Variants in XYLT1 observed in about 807,000 individuals in gnomAD.
XYLT1 encodes the protein xylosyltransferase 1.
A neutral mutation model predicts 91.3 loss-of-function variants in XYLT1; 36 were observed. The ratio of observed to expected loss-of-function variants is 0.39; its 90% CI spans 0.30 to 0.52. XYLT1 has a LOEUF of 0.52. XYLT1 is among the 20% of genes least tolerant of loss of function. The pLI is 0.68. For synonymous variants in XYLT1, 588 were observed against 532.0 expected (o/e 1.11, Z -1.45); for missense variants, 1,242 against 1,284.5 (o/e 0.97, Z 0.51).
intron 5 of XYLT1, among the ~76,000 whole-genome samples, chr16:17,167,685 C>T (rs2031729661): frequency 1.3e-5 from 2 of 151,964 alleles, no homozygotes; most frequent in South Asian, 4.1e-4. Context: ...CCCATCCTTC[C>T]ATCTCGTGAA....
chr16:17,122,094 GACTT>G (rs2030080801), intron 10 of XYLT1, among the ~76,000 whole-genome samples: 2 of 152,090 alleles, frequency 1.3e-5, no homozygotes, highest in East Asian at 3.8e-4. Context: ...TTTGTATAAT[GACTT>G]ACTTTTCTCT....
At chr16:17,287,484 G>A (rs1347177544) in intron 2 of XYLT1, among the ~76,000 whole-genome samples, 1 of 152,132 alleles carries the variant, frequency 6.6e-6, no homozygotes, top group Non-Finnish European at 1.5e-5. Context: ...AGCCGGTACC[G>A]CATGTGGCCA....
intron 1 of XYLT1, among the ~76,000 whole-genome samples, chr16:17,370,545 G>A (rs185188699): frequency 2.6e-5 from 4 of 152,316 alleles, no homozygotes; most frequent in Admixed American, 2.6e-4. Flanking sequence ...CACTGAACAC[G>A]TTCATGAAGT....
intron 1 of XYLT1, among the ~76,000 whole-genome samples, chr16:17,407,283 G>A (rs2036045958): frequency 6.6e-6 from 1 of 152,182 alleles, no homozygotes; most frequent in South Asian, 2.1e-4. Flanking sequence ...ACAGGCAGGA[G>A]CCACTGCGTC....
intron 1 of XYLT1, among the ~76,000 whole-genome samples, chr16:17,467,855 C>G (rs1467472035): frequency 6.6e-6 from 1 of 151,014 alleles, no homozygotes; most frequent in Non-Finnish European, 1.5e-5. Context: ...CCCACCCCAT[C>G]CCCACCTGCA....
chr16:17,256,958 C>G (rs1270134879), intron 3 of XYLT1, among the ~76,000 whole-genome samples: 3 of 152,206 alleles, frequency 2.0e-5, no homozygotes, highest in Non-Finnish European at 4.4e-5. Flanking sequence ...GACCCTGACA[C>G]CTCCCCAATC....
chr16:17,445,505 C>T (rs2036580673), intron 1 of XYLT1, among the ~76,000 whole-genome samples: 1 of 152,202 alleles, frequency 6.6e-6, no homozygotes, highest in African/African-American at 2.4e-5. Flanking sequence ...CCCTTCCTGG[C>T]AGCTGCCAGA....
chr16:17,247,258 A>G (rs1341132073), intron 3 of XYLT1, among the ~76,000 whole-genome samples: 1 of 152,126 alleles, frequency 6.6e-6, no homozygotes, highest in Non-Finnish European at 1.5e-5. Flanking sequence ...TGGCAGACAC[A>G]CAATCAGTTG....
At chr16:17,153,746 A>T (rs1329638714) in intron 6 of XYLT1, among the ~76,000 whole-genome samples, 1 of 152,218 alleles carries the variant, frequency 6.6e-6, no homozygotes, top group African/African-American at 2.4e-5. Context: ...GACCCAAAAG[A>T]ATCCCCCATG....
chr16:17,108,630 C>T lies in XYLT1; in HGVS notation c.*65G>A. The T allele has an allele frequency of 2.7e-6, 4 of 1,461,618 alleles. No individual in the cohort carries two copies. The highest frequency in any genetic ancestry group is 3.6e-6 in the Non-Finnish European group (4 of 1,099,936). 90.5% of individuals were successfully genotyped at this position (1,461,618 alleles called of 1,614,324 possible). ...CCAGGGTGGGAGGCCGGGGTTCAGG[C>T]CCCACAACCCCTCTGGCTGCTTTCC... is the stretch of plus-strand genomic sequence containing the variant. On this transcript the variant is annotated 3_prime_UTR_variant, in exon 12 of 12. Transcript: ENST00000261381.
chr16:17,269,320 G>A (rs1364136127), intron 2 of XYLT1, among the ~76,000 whole-genome samples: 1 of 151,372 alleles, frequency 6.6e-6, no homozygotes, highest in Non-Finnish European at 1.5e-5. Context: ...GAGTAGCTGG[G>A]ACTACACAGG....
Position 17,233,990 on chromosome 16 carries a change from A to C in XYLT1, c.913+24998T>G, listed in dbSNP as rs1348505569. 6.6e-5 allele frequency among the ~76,000 whole-genome samples: 10 copies of C among 152,252 alleles called. 2 individuals carry two copies. In the South Asian group the frequency reaches 1.9e-3, roughly 28 times the overall value. On this transcript the variant is annotated intron_variant, in intron 3 of 11. Transcript: ENST00000261381. ...TCAGGCAAGGTTACTTGCTCTCCCTAAGTCCTAGTTTCCTCATGGGCCAAG... is the reference window on the plus strand; with the variant it reads ...TCAGGCAAGGTTACTTGCTCTCCCTCAGTCCTAGTTTCCTCATGGGCCAAG...
intron 2 of XYLT1, among the ~76,000 whole-genome samples, chr16:17,315,091 C>T (rs2034607763): frequency 1.3e-5 from 2 of 152,214 alleles, no homozygotes; most frequent in African/African-American, 4.8e-5. Flanking sequence ...CTGGGGATGG[C>T]CCACCTGGGG....
At chr16:17,159,642 T>C (rs2031498860) in intron 5 of XYLT1, among the ~76,000 whole-genome samples, 2 of 152,222 alleles carry the variant, frequency 1.3e-5, no homozygotes, top group Non-Finnish European at 2.9e-5. Context: ...CATCAATGAA[T>C]GGACGGATAC....
intron 3 of XYLT1, among the ~76,000 whole-genome samples, chr16:17,201,293 G>T (rs2032536885): frequency 6.6e-6 from 1 of 152,058 alleles, no homozygotes; most frequent in South Asian, 2.1e-4. Flanking sequence ...ATATGGGTGG[G>T]GAAGACCTAA....
chr16:17,253,692 A>C (rs542857972), intron 3 of XYLT1, among the ~76,000 whole-genome samples: 3 of 152,262 alleles, frequency 2.0e-5, no homozygotes, highest in Admixed American at 6.5e-5. Context: ...CCAAAGTCCT[A>C]CAGCTTGTGC....
At chr16:17,171,594 T>G (rs964986916) in intron 5 of XYLT1, among the ~76,000 whole-genome samples, 1 of 152,228 alleles carries the variant, frequency 6.6e-6, no homozygotes, top group African/African-American at 2.4e-5. Flanking sequence ...TTAAACGGAT[T>G]TTTTCTTTTT....
At chr16:17,247,115 AGT>A (rs1227480845) in intron 3 of XYLT1, among the ~76,000 whole-genome samples, 2 of 152,046 alleles carry the variant, frequency 1.3e-5, no homozygotes, top group Admixed American at 1.3e-4. Flanking sequence ...AGAGATAGCT[AGT>A]CTTTTCACTC....
rs548172711 is a variant in XYLT1, at chr16:17,238,952, T to C, written c.913+20036A>G. Among the ~76,000 whole-genome samples the C allele has an allele frequency of 2.6e-5, 4 of 152,320 alleles. No homozygotes were observed. The South Asian group carries it at 8.3e-4, about 32-fold the overall frequency. ...CTCATTTTCTAGATGCAGTAATTTC[T>C]CCATTTCAGTCAGTGATAGCAACAC... is the stretch of plus-strand genomic sequence containing the variant. On this transcript the variant is annotated intron_variant, in intron 3 of 11. Transcript: ENST00000261381.
Sources: gnomAD v4.1 joint callset for allele counts (sites outside exome capture counted in the v4.1 genomes callset) on GRCh38, gnomAD v4.1.1 for gene constraint, MANE v1.5 for transcripts, NCBI Gene and HGNC (gene_info 2026-07-23, HGNC 2026-07-21) for gene names.